Variants in NKAIN2 observed in about 807,000 individuals in gnomAD.
NKAIN2 encodes the protein sodium/potassium transporting ATPase interacting 2.
Under a neutral mutation model 32.6 loss-of-function variants are expected in NKAIN2, and 14 were observed. That is an observed-to-expected ratio of 0.43 (90% CI 0.28 to 0.67). The LOEUF (loss-of-function observed/expected upper bound fraction) is 0.67, where lower values mean the gene tolerates loss of function less well. Among genes scored for constraint, NKAIN2 ranks in the 30% least tolerant of loss-of-function variants. The probability of loss-of-function intolerance (pLI) is 0.17; values close to 1 mark genes in which losing one functional copy is unlikely to be tolerated. For synonymous variants in NKAIN2, 80 were observed against 87.2 expected (o/e 0.92, Z 0.46); for missense variants, 198 against 258.3 (o/e 0.77, Z 1.60).
chr6:124,480,976 G>A (rs558536281), intron 3 of NKAIN2, among the ~76,000 whole-genome samples: 1 of 152,072 alleles, frequency 6.6e-6, no homozygotes, highest in South Asian at 2.1e-4. Context: ...CTCTTATTAG[G>A]AGTAACACTG....
intron 2 of NKAIN2, among the ~76,000 whole-genome samples, chr6:124,354,512 A>T (rs1402403546): frequency 1.3e-5 from 2 of 152,182 alleles, no homozygotes; most frequent in Non-Finnish European, 2.9e-5. Flanking sequence ...TAAAATAAGA[A>T]GGTGAATGGA....
intron 4 of NKAIN2, among the ~76,000 whole-genome samples, chr6:124,687,352 A>T (rs1773975603): frequency 7.3e-6 from 1 of 136,074 alleles, no homozygotes; most frequent in Non-Finnish European, 1.6e-5. Flanking sequence ...CATATAATAT[A>T]TATATTCCAT....
chr6:124,566,406 C>T (rs1227565023), intron 3 of NKAIN2, among the ~76,000 whole-genome samples: 1 of 152,086 alleles, frequency 6.6e-6, no homozygotes, highest in African/African-American at 2.4e-5. Context: ...TTCCACTTCA[C>T]ATTCAACGGT....
chr6:124,796,582 G>T (rs1178091858), intron 5 of NKAIN2, among the ~76,000 whole-genome samples: 2 of 152,184 alleles, frequency 1.3e-5, no homozygotes, highest in African/African-American at 2.4e-5. Context: ...TTGCTGCCAG[G>T]CCAGCTCCAT....
At chr6:124,333,966 A>G (rs1797767184) in intron 2 of NKAIN2, among the ~76,000 whole-genome samples, 1 of 152,160 alleles carries the variant, frequency 6.6e-6, no homozygotes, top group Admixed American at 6.5e-5. Flanking sequence ...TACTTTTAAC[A>G]GTTTTTTATT....
At chr6:124,766,943 G>A (rs1272608770) in intron 4 of NKAIN2, among the ~76,000 whole-genome samples, 2 of 151,936 alleles carry the variant, frequency 1.3e-5, no homozygotes, top group African/African-American at 2.4e-5. Flanking sequence ...TTCCCAGGCC[G>A]GAGTGCAGTG....
intron 1 of NKAIN2, among the ~76,000 whole-genome samples, chr6:123,840,538 C>T (rs1190130808): frequency 1.3e-5 from 2 of 152,016 alleles, no homozygotes; most frequent in African/African-American, 2.4e-5. Flanking sequence ...TTTTTAACTT[C>T]GTTATATTTT....
intron 6 of NKAIN2, among the ~76,000 whole-genome samples, 198 bp from the exon 7 acceptor site, chr6:124,823,022 C>A (rs1781454146): frequency 6.6e-6 from 1 of 152,068 alleles, no homozygotes; most frequent in Non-Finnish European, 1.5e-5. Flanking sequence ...TCTAAATGAC[C>A]AAAACTGGCC....
At chr6:124,115,276 A>G (rs1418070471) in intron 1 of NKAIN2, among the ~76,000 whole-genome samples, 1 of 151,810 alleles carries the variant, frequency 6.6e-6, no homozygotes, top group Non-Finnish European at 1.5e-5. Flanking sequence ...TACAAAAAAC[A>G]TGGTTAGTCC....
chr6:124,562,435 T>C (rs2114896381), intron 3 of NKAIN2, among the ~76,000 whole-genome samples: 1 of 152,342 alleles, frequency 6.6e-6, no homozygotes, highest in South Asian at 2.1e-4. Flanking sequence ...AATAAACAGA[T>C]AGTGTCAAAT....
intron 1 of NKAIN2, among the ~76,000 whole-genome samples, chr6:124,089,847 T>C (rs908529318): frequency 2.0e-5 from 3 of 151,990 alleles, no homozygotes; most frequent in Non-Finnish European, 4.4e-5. Flanking sequence ...ATTTTATGGA[T>C]GAAGATTCTG....
chr6:124,424,310 G>C (rs1469174433), intron 3 of NKAIN2, among the ~76,000 whole-genome samples: 1 of 152,052 alleles, frequency 6.6e-6, no homozygotes, highest in South Asian at 2.1e-4. Flanking sequence ...GTGCTGTTTT[G>C]ATACACATAT....
intron 1 of NKAIN2, among the ~76,000 whole-genome samples, chr6:123,990,599 A>G (rs1273293653): frequency 5.3e-5 from 8 of 152,152 alleles, no homozygotes; most frequent in African/African-American, 9.7e-5. Flanking sequence ...TCTGACACTG[A>G]CAGTGGTTCA....
chr6:124,759,966 C>G (rs1054493253), intron 4 of NKAIN2, among the ~76,000 whole-genome samples: 1 of 151,990 alleles, frequency 6.6e-6, no homozygotes, highest in Non-Finnish European at 1.5e-5. Context: ...ACACTCTCCT[C>G]TTGCCATTTT....
chr6:124,503,726 T>C (rs1778378211), intron 3 of NKAIN2, among the ~76,000 whole-genome samples: 1 of 152,140 alleles, frequency 6.6e-6, no homozygotes, highest in Non-Finnish European at 1.5e-5. Flanking sequence ...TAAAACTGAC[T>C]CAGTTATTGC....
intron 3 of NKAIN2, among the ~76,000 whole-genome samples, chr6:124,612,390 T>C (rs1019676524): frequency 6.6e-6 from 1 of 152,200 alleles, no homozygotes; most frequent in Non-Finnish European, 1.5e-5. Flanking sequence ...CTAATAGTAA[T>C]ATAGGCTAGC....
intron 3 of NKAIN2, among the ~76,000 whole-genome samples, chr6:124,505,290 T>C (rs1416254824): frequency 1.3e-5 from 2 of 152,224 alleles, no homozygotes; most frequent in African/African-American, 4.8e-5. Flanking sequence ...TTTATATCAC[T>C]TTCTTAACAT....
At chr6:124,348,001 A>T (rs1263155069) in intron 2 of NKAIN2, among the ~76,000 whole-genome samples, 1 of 152,150 alleles carries the variant, frequency 6.6e-6, no homozygotes, top group Admixed American at 6.5e-5. Flanking sequence ...GGTGATGTAC[A>T]GATGGGTTTT....
chr6:123,925,773 T>C (rs924598058), intron 1 of NKAIN2, among the ~76,000 whole-genome samples: 1 of 152,200 alleles, frequency 6.6e-6, no homozygotes, highest in Admixed American at 6.5e-5. Context: ...GATCCCTTAG[T>C]TTTCCTCACT....
Sources: gnomAD v4.1 joint callset for allele counts (sites outside exome capture counted in the v4.1 genomes callset) on GRCh38, gnomAD v4.1.1 for gene constraint, MANE v1.5 for transcripts, NCBI Gene and HGNC (gene_info 2026-07-23, HGNC 2026-07-21) for gene names.